TMEM71: variants seen among roughly 807,000 people sequenced by gnomAD.
The protein encoded by TMEM71 is transmembrane protein 71.
In TMEM71, 44 loss-of-function variants were observed where a neutral mutation model predicts 38.0. The observed-to-expected ratio is 1.16, with a 90% CI of 0.91 to 1.49. The LOEUF is 1.49. Ranked by LOEUF, TMEM71 falls within the 40% of genes most tolerant of loss-of-function variation. The probability of loss-of-function intolerance (pLI) is 0.00; values close to 1 mark genes in which losing one functional copy is unlikely to be tolerated. For missense variants in TMEM71, 367 were observed against 348.6 expected (o/e 1.05, Z -0.42); for synonymous variants, 133 against 122.5 (o/e 1.09, Z -0.56).
chr8:132,737,927 G>C (rs1827836046), intron 5 of TMEM71, among the ~76,000 whole-genome samples: 1 of 152,052 alleles, frequency 6.6e-6, no homozygotes, highest in South Asian at 2.1e-4. Context: ...CCCTTCTTAT[G>C]TTTCCAAACC....
intron 5 of TMEM71, among the ~76,000 whole-genome samples, chr8:132,733,536 C>T (rs75265446): frequency 0.015 from 2,294 of 152,262 alleles, 56 homozygotes; most frequent in African/African-American, 0.052. Flanking sequence ...TGGGAAATTC[C>T]TACTAACCCT....
chr8:132,734,816 G>T (rs577111060), intron 5 of TMEM71, among the ~76,000 whole-genome samples: 8 of 152,120 alleles, frequency 5.3e-5, no homozygotes, highest in Admixed American at 2.0e-4. Context: ...ATTGTTGAAG[G>T]TATCTATTTC....
downstream of TMEM71, among the ~76,000 whole-genome samples, chr8:132,709,185 A>C (rs1826137553): frequency 6.6e-6 from 1 of 152,214 alleles, no homozygotes; most frequent in Admixed American, 6.5e-5. Flanking sequence ...AGAAATTCTC[A>C]ATGGAAGTTC....
the TMEM71 span, among the ~76,000 whole-genome samples, chr8:132,774,076 A>G: frequency 6.6e-6 from 1 of 152,220 alleles, no homozygotes; most frequent in African/African-American, 2.4e-5. Context: ...CTGGCATTAA[A>G]AATTACCAAC....
intron 5 of TMEM71, among the ~76,000 whole-genome samples, chr8:132,738,108 T>C (rs1001731283): frequency 2.6e-5 from 4 of 152,012 alleles, no homozygotes; most frequent in African/African-American, 9.7e-5. Context: ...AAGTGTGACA[T>C]TTTTCATGAA....
upstream of TMEM71, among the ~76,000 whole-genome samples, chr8:132,762,845 T>C (rs548384884): frequency 2.0e-5 from 3 of 152,346 alleles, no homozygotes; most frequent in South Asian, 6.2e-4. Flanking sequence ...CTAAACACTG[T>C]ACATATGTAA....
chr8:132,718,199 C>T (rs576822953), intron 7 of TMEM71, among the ~76,000 whole-genome samples: 2 of 152,066 alleles, frequency 1.3e-5, no homozygotes, highest in African/African-American at 4.8e-5. Flanking sequence ...ATACTAAAAC[C>T]ACTAAAGGTG....
intron 7 of TMEM71, among the ~76,000 whole-genome samples, chr8:132,721,733 A>G (rs941919563): frequency 2.0e-5 from 3 of 150,858 alleles, no homozygotes; most frequent in African/African-American, 7.3e-5. Context: ...TTTAATTTTC[A>G]CCATGTTGGT....
intron 6 of TMEM71, among the ~76,000 whole-genome samples, chr8:132,725,046 C>CT (rs113090139): frequency 0.41 from 58,555 of 144,370 alleles, 11,879 homozygotes; most frequent in East Asian, 0.61. Context: ...TCTTTTTTTT[C>CT]TTTTTTTTTT....
At chr8:132,747,209 G>T in intron 4 of TMEM71, 95 bp from the exon 5 acceptor site, 1 of 1,072,740 alleles carries the variant, frequency 9.3e-7, no homozygotes, top group African/African-American at 1.6e-5. Flanking sequence ...TACAACCCAA[G>T]TCTGCTCACT....
In TMEM71 at chr8:132,719,281, A is replaced by C. The variant is rs1262489139; in HGVS notation, c.752+2759T>G. 2.0e-5 allele frequency among the ~76,000 whole-genome samples: 3 copies of C among 152,234 alleles called. No individual in the cohort carries two copies. The East Asian group carries it at 5.8e-4, about 29-fold the overall frequency. The stretch of plus-strand genomic sequence containing the variant: ...ATATACACAGGTTGAGCATCTCTAA[A>C]TAAAAAATTCAAAATCTGAAATGCC... On this transcript the variant is annotated intron_variant, in intron 7 of 9. Coordinates refer to ENST00000677595, the MANE Select transcript of TMEM71 (RefSeq NM_001382403.1).
downstream of TMEM71, among the ~76,000 whole-genome samples, chr8:132,708,231 T>C (rs1158981343): frequency 2.6e-5 from 4 of 152,140 alleles, no homozygotes; most frequent in Non-Finnish European, 4.4e-5. Context: ...CATCCAGTGA[T>C]GTACAAGTCT....
At chr8:132,727,376 C>A (rs1443167538) in intron 6 of TMEM71, among the ~76,000 whole-genome samples, 1 of 151,740 alleles carries the variant, frequency 6.6e-6, no homozygotes, top group Non-Finnish European at 1.5e-5. Flanking sequence ...CCTGCCTCAG[C>A]CTCCCGAGTA....
chr8:132,739,285 C>T (rs1563751092), intron 5 of TMEM71, among the ~76,000 whole-genome samples: 2 of 152,288 alleles, frequency 1.3e-5, no homozygotes, highest in East Asian at 1.9e-4. Context: ...AGATAGACCT[C>T]GGTTGAATTC....
rs146874951 is a variant in TMEM71, at chr8:132,755,064, G to T, written c.101+2170C>A. ...AGTGCTCTTTCTTCTACATCCTTTT[G>T]CCTCTGTGAGAATTAATGGGGCAAC... On this transcript the variant is annotated intron_variant, in intron 3 of 9. Coordinates refer to ENST00000677595, the MANE Select transcript of TMEM71 (RefSeq NM_001382403.1). Among the ~76,000 whole-genome samples, 302 of 152,104 alleles carry T rather than the reference G, an allele frequency of 2.0e-3. 1 individual carries two copies. Among genetic ancestry groups the T allele is most frequent in the African/African-American group, 6.8e-3 (283 of 41,476 alleles).
the TMEM71 span, chr8:132,775,308 C>G: frequency 2.9e-6 from 1 of 339,972 alleles, no homozygotes; most frequent in African/African-American, 2.2e-5. Flanking sequence ...GGGCCCAACC[C>G]TCGTGAGTCA....
chr8:132,756,411 T>TATTATATATA (rs1554619985), intron 3 of TMEM71, among the ~76,000 whole-genome samples: 75 of 115,806 alleles, frequency 6.5e-4, no homozygotes, highest in Middle Eastern at 4.5e-3. Context: ...AACATATATA[T>TATTATATATA]TATATATATA....
upstream of TMEM71, among the ~76,000 whole-genome samples, chr8:132,764,062 C>G (rs1829334326): frequency 6.6e-6 from 1 of 152,182 alleles, no homozygotes; most frequent in African/African-American, 2.4e-5. Flanking sequence ...TCCACCCAAT[C>G]ACTCATGCCA....
At chr8:132,730,367 C>T (rs1042765033) in intron 5 of TMEM71, among the ~76,000 whole-genome samples, 20 of 152,172 alleles carry the variant, frequency 1.3e-4, no homozygotes, top group African/African-American at 4.8e-4. Context: ...TCTGTGGAAA[C>T]ACACTCTCAG....
Sources: allele counts gnomAD v4.1 joint callset (sites outside exome capture counted in the v4.1 genomes callset), GRCh38; gene constraint gnomAD v4.1.1; transcripts MANE v1.5; gene names NCBI Gene and HGNC (gene_info 2026-07-23, HGNC 2026-07-21).